Variants in PLEKHM3 observed in about 807,000 individuals in gnomAD.
PLEKHM3 encodes pleckstrin homology domain containing M3.
Under a neutral mutation model 81.8 loss-of-function variants are expected in PLEKHM3, and 45 were observed. That is an observed-to-expected ratio of 0.55 (90% CI 0.43 to 0.71). The LOEUF (loss-of-function observed/expected upper bound fraction) is 0.71. PLEKHM3 is among the 30% of genes least tolerant of loss of function. PLEKHM3 has a pLI of 0.00. For missense variants in PLEKHM3, 788 were observed against 924.3 expected, an observed-to-expected ratio of 0.85 and a Z score of 1.91; for synonymous variants, 352 against 356.4, an observed-to-expected ratio of 0.99 and a Z score of 0.14.
intron 7 of PLEKHM3, among the ~76,000 whole-genome samples, chr2:207,850,198 G>C (rs2092405300): frequency 6.6e-6 from 1 of 151,698 alleles, no homozygotes. Flanking sequence ...CCTCTTAAAG[G>C]CACCACCTCC....
chr2:207,838,857 T>C (rs2092334262), intron 7 of PLEKHM3, among the ~76,000 whole-genome samples: 1 of 152,220 alleles, frequency 6.6e-6, no homozygotes, highest in South Asian at 2.1e-4. Context: ...ATTGTAGCCA[T>C]AGAGAACTAT....
chr2:207,871,597 G>A (rs79346371), intron 6 of PLEKHM3, among the ~76,000 whole-genome samples: 2,701 of 152,138 alleles, frequency 0.018, 87 homozygotes, highest in African/African-American at 0.061. Context: ...AGATGAAACC[G>A]AGAAGGCACA....
At chr2:207,918,080 C>A (rs1689054106) in intron 5 of PLEKHM3, among the ~76,000 whole-genome samples, 1 of 152,084 alleles carries the variant, frequency 6.6e-6, no homozygotes, top group Non-Finnish European at 1.5e-5. Flanking sequence ...ATAATAATCC[C>A]CATTTACTTC....
intron 1 of PLEKHM3, among the ~76,000 whole-genome samples, chr2:208,024,191 T>C (rs1465349985): frequency 8.7e-6 from 1 of 114,464 alleles, no homozygotes; most frequent in African/African-American, 3.9e-5. Context: ...ATAACAATAA[T>C]AAAAACCCTA....
chr2:207,930,265 T>C (rs999424455), intron 5 of PLEKHM3, among the ~76,000 whole-genome samples: 5 of 152,112 alleles, frequency 3.3e-5, no homozygotes, highest in Middle Eastern at 3.4e-3. Flanking sequence ...TTGACCAAGT[T>C]TGGGTATTTG....
At chr2:207,946,179 AAG>A (rs937630629) in intron 4 of PLEKHM3, among the ~76,000 whole-genome samples, 186 bp downstream of exon 4, 1 of 152,240 alleles carries the variant, frequency 6.6e-6, no homozygotes, top group Non-Finnish European at 1.5e-5. Context: ...GGAAACTAAT[AAG>A]AGTCATAGTT....
At chr2:207,875,694 A>G (rs2092556603) in intron 6 of PLEKHM3, among the ~76,000 whole-genome samples, 1 of 152,114 alleles carries the variant, frequency 6.6e-6, no homozygotes, top group Non-Finnish European at 1.5e-5. Context: ...TGGGCGTGGT[A>G]GTGTGGGTAG....
intron 6 of PLEKHM3, among the ~76,000 whole-genome samples, chr2:207,878,490 C>G (rs2092570508): frequency 6.6e-6 from 1 of 152,300 alleles, no homozygotes; most frequent in South Asian, 2.1e-4. Flanking sequence ...TGCCTGTAAT[C>G]CCAGCTACTG....
intron 6 of PLEKHM3, among the ~76,000 whole-genome samples, chr2:207,894,405 CAG>C (rs1409826803): frequency 3.3e-5 from 5 of 152,322 alleles, no homozygotes; most frequent in African/African-American, 1.2e-4. Flanking sequence ...CCAATATCTA[CAG>C]AGTCTTTCCA....
chr2:207,964,747 C>T (rs1002781961), intron 3 of PLEKHM3, among the ~76,000 whole-genome samples: 1 of 152,128 alleles, frequency 6.6e-6, no homozygotes, highest in Non-Finnish European at 1.5e-5. Context: ...GAGGGAGTTT[C>T]ACGCTCTTTG....
chr2:207,889,434 AACACACACACACACACACACACAC>A (rs35082335), intron 6 of PLEKHM3, among the ~76,000 whole-genome samples: 4 of 129,170 alleles, frequency 3.1e-5, no homozygotes, highest in Non-Finnish European at 6.4e-5. Flanking sequence ...GGTTTTTTTC[AACACACACACACACACACACACAC>A]ACACACACAC....
At chr2:207,918,334 A>G (rs918578688) in intron 5 of PLEKHM3, among the ~76,000 whole-genome samples, 1 of 152,170 alleles carries the variant, frequency 6.6e-6, no homozygotes, top group African/African-American at 2.4e-5. Context: ...CTTCCTGGCT[A>G]ACACGGTGAA....
chr2:208,002,572 A>G (rs1692347276), intron 1 of PLEKHM3, among the ~76,000 whole-genome samples: 1 of 152,118 alleles, frequency 6.6e-6, no homozygotes, highest in Non-Finnish European at 1.5e-5. Flanking sequence ...TTGGCCTCAG[A>G]GTATGGGTCC....
chr2:207,918,408 G>C (rs921805818), intron 5 of PLEKHM3, among the ~76,000 whole-genome samples: 3 of 152,038 alleles, frequency 2.0e-5, no homozygotes, highest in South Asian at 2.1e-4. Flanking sequence ...TGTAGTCCCA[G>C]TTACTCAGGA....
chr2:207,958,810 T>C (rs1690627486), intron 3 of PLEKHM3, among the ~76,000 whole-genome samples: 1 of 152,152 alleles, frequency 6.6e-6, no homozygotes, highest in Non-Finnish European at 1.5e-5. Context: ...CTTGGGAGGC[T>C]GAGGCAGGAA....
In PLEKHM3 at chr2:207,850,176, A is replaced by G. The variant is rs1039473253; in HGVS notation, c.2108+10929T>C. 3.2e-4 allele frequency among the ~76,000 whole-genome samples: 49 copies of G among 152,168 alleles called. 3 individuals are homozygous for G. Among genetic ancestry groups the G allele is most frequent in the Non-Finnish European group, 2.9e-5 (2 of 68,024 alleles). On this transcript the variant is annotated intron_variant, in intron 7 of 7. Transcript: ENST00000427836. ...GTCAGAAGGAGATTAATCCATTTTA[A>G]CGACCTCATCACCTCTTAAAGGCAC... is the stretch of plus-strand genomic sequence containing the variant.
At chr2:207,926,334 C>T (rs1401918036) in intron 5 of PLEKHM3, among the ~76,000 whole-genome samples, 2 of 152,192 alleles carry the variant, frequency 1.3e-5, no homozygotes, top group South Asian at 2.1e-4. Context: ...CTTTGTGGGG[C>T]CATCCCTGTG....
intron 6 of PLEKHM3, among the ~76,000 whole-genome samples, chr2:207,892,311 G>A (rs1439868158): frequency 3.3e-5 from 5 of 152,070 alleles, no homozygotes; most frequent in African/African-American, 4.8e-5. Context: ...TCTTATTGTG[G>A]TAAATGTACA....
intron 3 of PLEKHM3, among the ~76,000 whole-genome samples, chr2:207,968,262 A>G (rs1690988946): frequency 6.6e-6 from 1 of 152,104 alleles, no homozygotes; most frequent in Non-Finnish European, 1.5e-5. Context: ...TATCTCCCAG[A>G]GCACCTACTA....
Sources: allele counts gnomAD v4.1 joint callset (sites outside exome capture counted in the v4.1 genomes callset), GRCh38; gene constraint gnomAD v4.1.1; transcripts MANE v1.5; gene names NCBI Gene and HGNC (gene_info 2026-07-23, HGNC 2026-07-21).